Variants in NPSR1 observed in about 807,000 individuals in gnomAD.
NPSR1 encodes the protein neuropeptide S receptor.
NPSR1 carries 48 observed loss-of-function variants against 46.9 expected under a neutral mutation model. That is an observed-to-expected ratio of 1.02 (90% CI 0.81 to 1.30). The LOEUF (loss-of-function observed/expected upper bound fraction) is 1.30. Ranked by LOEUF, NPSR1 falls within the 50% of genes most tolerant of loss-of-function variation. NPSR1 has a pLI of 0.00. For synonymous variants in NPSR1, 176 were observed against 168.1 expected, an observed-to-expected ratio of 1.05 and a Z score of -0.36; for missense variants, 450 against 449.5, an observed-to-expected ratio of 1.00 and a Z score of -0.01.
At chr7:34,754,543 C>T (rs1290266623) in intron 2 of NPSR1, among the ~76,000 whole-genome samples, 4 of 152,034 alleles carry the variant, frequency 2.6e-5, no homozygotes, top group Admixed American at 6.6e-5. Context: ...CCCAGTACCA[C>T]CTCTTCCCCC....
At chr7:34,852,939 A>T (rs1790968705), downstream of NPSR1, among the ~76,000 whole-genome samples, 1 of 152,240 alleles carries the variant, frequency 6.6e-6, no homozygotes, top group African/African-American at 2.4e-5. Context: ...ATTAAATATG[A>T]ATGGTAAAAA....
At chr7:34,837,181 A>G (rs1032109006) in intron 6 of NPSR1, among the ~76,000 whole-genome samples, 9 of 152,208 alleles carry the variant, frequency 5.9e-5, no homozygotes. Context: ...AAAATTCTCT[A>G]CAGTTACCTA....
intron 8 of NPSR1, among the ~76,000 whole-genome samples, chr7:34,866,199 G>T (rs545693801): frequency 6.6e-6 from 1 of 151,820 alleles, no homozygotes; most frequent in South Asian, 2.1e-4. Flanking sequence ...GGTGGATGCC[G>T]ATGGATTGGT....
At chr7:34,850,674 A>T (rs1378232532), downstream of NPSR1, among the ~76,000 whole-genome samples, 1 of 152,104 alleles carries the variant, frequency 6.6e-6, no homozygotes, top group African/African-American at 2.4e-5. Flanking sequence ...TGCTGGGATT[A>T]CAGGCATGAG....
intron 3 of NPSR1, among the ~76,000 whole-genome samples, chr7:34,797,569 A>G (rs762479411): frequency 6.6e-6 from 1 of 152,236 alleles, no homozygotes; most frequent in Non-Finnish European, 1.5e-5. Context: ...GCACACACAT[A>G]TAACAGAAAT....
At position 34,742,682 on chromosome 7, in the gene NPSR1, C is replaced by T. The variant is rs1002092821; in HGVS notation, c.281-35780C>T. On this transcript the variant is annotated intron_variant, in intron 2 of 8. Coordinates refer to ENST00000360581, the MANE Select transcript of NPSR1 (RefSeq NM_207172.2). ...GATTTATATTTCTCTGGGTATATAT[C>T]CAGTAATGGAAATGCTGGGTCAAAT... is the stretch of plus-strand genomic sequence containing the variant. 8.5e-5 allele frequency among the ~76,000 whole-genome samples: 13 copies of T among 152,104 alleles called. No homozygotes were observed. In the East Asian group the frequency reaches 2.5e-3, roughly 29 times the overall value.
At chr7:34,842,190 C>A (rs527921237) in intron 6 of NPSR1, among the ~76,000 whole-genome samples, 4 of 152,290 alleles carry the variant, frequency 2.6e-5, no homozygotes, top group Admixed American at 6.5e-5. Flanking sequence ...GTGTTCTACA[C>A]CTCAATTTTT....
intron 2 of NPSR1, among the ~76,000 whole-genome samples, chr7:34,707,601 C>A (rs1794173319): frequency 6.6e-6 from 1 of 152,104 alleles, no homozygotes; most frequent in South Asian, 2.1e-4. Flanking sequence ...TGCTAAGGAC[C>A]CACAGTGGAT....
intron 3 of NPSR1, among the ~76,000 whole-genome samples, chr7:34,778,816 T>G (rs1562720565): frequency 6.6e-6 from 1 of 152,182 alleles, no homozygotes. Context: ...TTTCAAATGT[T>G]AAATAAAATG....
At chr7:34,786,380 C>T (rs1787467447) in intron 3 of NPSR1, among the ~76,000 whole-genome samples, 1 of 152,102 alleles carries the variant, frequency 6.6e-6, no homozygotes, top group South Asian at 2.1e-4. Context: ...TTCTATTTCT[C>T]TTGCTATTTC....
At chr7:34,691,089 AC>A (rs1248019496) in intron 2 of NPSR1, among the ~76,000 whole-genome samples, 1 of 152,194 alleles carries the variant, frequency 6.6e-6, no homozygotes, top group African/African-American at 2.4e-5. Flanking sequence ...TCCTTAAAGA[AC>A]AAATGTGCCA....
In NPSR1 at chr7:34,857,332, T is replaced by C. The variant is rs1584148926; in HGVS notation, c.1025+8669T>C. 2.6e-5 allele frequency among the ~76,000 whole-genome samples: 4 copies of C among 151,432 alleles called. No homozygotes were observed. The South Asian group carries it at 8.3e-4, about 31-fold the overall frequency. On this transcript the variant is annotated intron_variant, in intron 8 of 8. Coordinates refer to the NPSR1 transcript ENST00000359791. The stretch of plus-strand genomic sequence containing the variant: ...CACTGTTGACTAAAAAGGAAAAAAA[T>C]GGGAGAGCTTAACTAACCACATATC...
chr7:34,784,690 C>T (rs889547528), intron 3 of NPSR1, among the ~76,000 whole-genome samples: 4 of 152,064 alleles, frequency 2.6e-5, no homozygotes, highest in Admixed American at 6.6e-5. Flanking sequence ...CAGGATGATG[C>T]TGGCCTCATA....
intron 5 of NPSR1, among the ~76,000 whole-genome samples, chr7:34,830,366 AC>A (rs1370282100): frequency 2.6e-5 from 4 of 152,168 alleles, no homozygotes; most frequent in African/African-American, 4.8e-5. Context: ...AGAAAAAAAA[AC>A]ATATCTTAGT....
At chr7:34,867,962 C>T (rs1791355495) in intron 8 of NPSR1, among the ~76,000 whole-genome samples, 2 of 151,818 alleles carry the variant, frequency 1.3e-5, no homozygotes, top group Non-Finnish European at 2.9e-5. Flanking sequence ...AAATTTATAA[C>T]ATGGAAAGCT....
chr7:34,706,196 T>C (rs1794099409), intron 2 of NPSR1, among the ~76,000 whole-genome samples: 2 of 152,026 alleles, frequency 1.3e-5, no homozygotes, highest in Non-Finnish European at 2.9e-5. Flanking sequence ...TTAGATTTCA[T>C]GCTTTCACCA....
chr7:34,660,818 T>C (rs1791418193), intron 1 of NPSR1, among the ~76,000 whole-genome samples: 1 of 152,148 alleles, frequency 6.6e-6, no homozygotes, highest in South Asian at 2.1e-4. Flanking sequence ...AAGCTCAGCT[T>C]GGGTTGCTTC....
intron 2 of NPSR1, among the ~76,000 whole-genome samples, chr7:34,743,879 G>T (rs1785076209): frequency 6.6e-6 from 1 of 151,866 alleles, no homozygotes; most frequent in South Asian, 2.1e-4. Flanking sequence ...TAGTTTTTTT[G>T]AATCAGATGA....
At chr7:34,743,024 T>A (rs1341333028) in intron 2 of NPSR1, among the ~76,000 whole-genome samples, 1 of 152,260 alleles carries the variant, frequency 6.6e-6, no homozygotes, top group East Asian at 1.9e-4. Context: ...TAAATTTGTT[T>A]AAGTTTCTTA....
Sources: gnomAD v4.1 joint callset for allele counts (sites outside exome capture counted in the v4.1 genomes callset) on GRCh38, gnomAD v4.1.1 for gene constraint, MANE v1.5 for transcripts, NCBI Gene and HGNC (gene_info 2026-07-23, HGNC 2026-07-21) for gene names.